The following PCDH15 variants were observed in gnomAD, a reference collection of about 807,000 sequenced individuals.
The protein encoded by PCDH15 is protocadherin related 15.
PCDH15 carries 129 observed loss-of-function variants against 178.5 expected under a neutral mutation model. That is an observed-to-expected ratio of 0.72 (90% CI 0.63 to 0.84). PCDH15 has a LOEUF of 0.84. Among genes scored for constraint, PCDH15 ranks in the 40% least tolerant of loss-of-function variants. The probability of loss-of-function intolerance (pLI) is 0.00; values close to 1 mark genes in which losing one functional copy is unlikely to be tolerated. For synonymous variants in PCDH15, 800 were observed against 732.0 expected (o/e 1.09, Z -1.50); for missense variants, 2,230 against 2,099.9 (o/e 1.06, Z -1.21).
chr10:55,335,138 A>T (rs1240228633), intron 2 of PCDH15, among the ~76,000 whole-genome samples: 1 of 152,222 alleles, frequency 6.6e-6, no homozygotes, highest in African/African-American at 2.4e-5. Context: ...AAGAATAAGG[A>T]CAAAACCCAG....
rs534957668 is a variant in PCDH15, at chr10:54,102,088, T to C, written c.1918-12025A>G. On this transcript the variant is annotated intron_variant, in intron 15 of 37. Transcript: ENST00000644397. ...AAAATATTTATTCAATAAAACCTACTAAATCTCACTAAGAATTGTGAAAAC... is the reference window on the plus strand; with the variant it reads ...AAAATATTTATTCAATAAAACCTACCAAATCTCACTAAGAATTGTGAAAAC... Among the ~76,000 whole-genome samples, 13 of 152,246 alleles carry C rather than the reference T, an allele frequency of 8.5e-5. No homozygotes were observed. The East Asian group carries it at 1.7e-3, about 20-fold the overall frequency.
At chr10:54,891,405 A>G (rs749372525) in intron 3 of PCDH15, among the ~76,000 whole-genome samples, 1 of 152,146 alleles carries the variant, frequency 6.6e-6, no homozygotes, top group Non-Finnish European at 1.5e-5. Context: ...ATTCAGATCT[A>G]GCGATCTCTC....
chr10:54,211,756 G>C (rs987092830), intron 10 of PCDH15, among the ~76,000 whole-genome samples: 1 of 151,984 alleles, frequency 6.6e-6, no homozygotes, highest in South Asian at 2.1e-4. Flanking sequence ...AAAAGAGAGA[G>C]AGAGAGAAGA....
intron 2 of PCDH15, among the ~76,000 whole-genome samples, chr10:55,019,522 G>A (rs1840272050): frequency 6.6e-6 from 1 of 151,846 alleles, no homozygotes; most frequent in Non-Finnish European, 1.5e-5. Flanking sequence ...GTCTAGACCT[G>A]TAACAAACTG....
chr10:54,310,474 A>G (rs1288631263), intron 8 of PCDH15, among the ~76,000 whole-genome samples: 1 of 152,016 alleles, frequency 6.6e-6, no homozygotes, highest in Non-Finnish European at 1.5e-5. Flanking sequence ...TGAGTTTGGA[A>G]CGGAGGTCAT....
chr10:54,423,906 A>C (rs982895503), intron 3 of PCDH15, among the ~76,000 whole-genome samples: 1 of 151,952 alleles, frequency 6.6e-6, no homozygotes, highest in African/African-American at 2.4e-5. Context: ...AAAATCATAA[A>C]AACCCTAGAA....
intron 2 of PCDH15, among the ~76,000 whole-genome samples, chr10:55,465,158 ACT>A (rs1375376340): frequency 6.6e-6 from 1 of 152,068 alleles, no homozygotes; most frequent in Non-Finnish European, 1.5e-5. Context: ...TAGGAAATTG[ACT>A]CACAGGATCA....
rs1180933154 is a variant in PCDH15 at position 54,375,835 on chromosome 10, AATAT to A, written c.318+2943_318+2946del. 2.8e-3 allele frequency among the ~76,000 whole-genome samples: 355 copies of A among 127,590 alleles called. 2 individuals are homozygous for A. Among genetic ancestry groups the A allele is most frequent in the Admixed American group, 7.4e-3 (87 of 11,698 alleles). The allele number at this position is 127,590 out of a possible 152,430, so 83.7% of individuals were successfully genotyped here. The stretch of plus-strand genomic sequence containing the variant: ...AAATAAAAATATATTTTTGAAATGG[AATAT>A]ATATATATAATATATAAATAAAAAT... On this transcript the variant is annotated intron_variant, in intron 4 of 37. Coordinates refer to ENST00000644397, the MANE Select transcript of PCDH15 (RefSeq NM_001384140.1).
At chr10:54,408,044 G>T (rs1266159194) in intron 3 of PCDH15, among the ~76,000 whole-genome samples, 1 of 100,216 alleles carries the variant, frequency 1.0e-5, no homozygotes, top group Non-Finnish European at 2.0e-5. Flanking sequence ...GACAGAATGA[G>T]ACTCTGTCAA....
chr10:55,537,431 G>T (rs1169544416), intron 2 of PCDH15, among the ~76,000 whole-genome samples: 1 of 146,312 alleles, frequency 6.8e-6, no homozygotes, highest in Non-Finnish European at 1.6e-5. Flanking sequence ...ATGTATGTAT[G>T]TATGTATTTA....
intron 2 of PCDH15, among the ~76,000 whole-genome samples, chr10:55,077,421 T>TCCTTCCTTCCTC (rs2132021307): frequency 6.7e-6 from 1 of 149,526 alleles, no homozygotes; most frequent in South Asian, 2.1e-4. Context: ...CTTCCTTCCT[T>TCCTTCCTTCCTC]CCTTCCTTCC....
chr10:54,116,254 A>G (rs1405465254), intron 15 of PCDH15, among the ~76,000 whole-genome samples: 1 of 141,558 alleles, frequency 7.1e-6, no homozygotes, highest in East Asian at 2.2e-4. Flanking sequence ...AAAAAAAAAA[A>G]GCCATTTGAG....
intron 2 of PCDH15, among the ~76,000 whole-genome samples, chr10:55,114,329 A>G (rs1837579489): frequency 6.6e-6 from 1 of 152,184 alleles, no homozygotes; most frequent in Admixed American, 6.5e-5. Context: ...TTCTTTTCAC[A>G]GTATCTTGCT....
chr10:55,606,392 A>G (rs1843217485), intron 2 of PCDH15, among the ~76,000 whole-genome samples: 1 of 150,296 alleles, frequency 6.7e-6, no homozygotes, highest in African/African-American at 2.5e-5. Flanking sequence ...ATTGGAAAAA[A>G]CTACTTTAAA....
chr10:54,746,460 G>A (rs1381412562), intron 1 of PCDH15, among the ~76,000 whole-genome samples: 2 of 152,136 alleles, frequency 1.3e-5, no homozygotes, highest in Non-Finnish European at 2.9e-5. Context: ...ATAACCAAAA[G>A]AGTATAAGTG....
At chr10:54,282,533 A>G (rs1254116236) in intron 8 of PCDH15, among the ~76,000 whole-genome samples, 1 of 152,158 alleles carries the variant, frequency 6.6e-6, no homozygotes, top group East Asian at 1.9e-4. Flanking sequence ...ATTCAAATGT[A>G]TATTTAACAG....
chr10:54,986,018 C>T (rs1839355571), intron 2 of PCDH15, among the ~76,000 whole-genome samples: 2 of 152,096 alleles, frequency 1.3e-5, no homozygotes, highest in African/African-American at 4.8e-5. Flanking sequence ...TTTTAAAATC[C>T]TCTGTGGAAT....
rs1398656291 is a variant in PCDH15, at chr10:54,757,430, G to C, written c.-29+43495C>G. On this transcript the variant is annotated intron_variant, in intron 1 of 37. Coordinates refer to ENST00000644397, the MANE Select transcript of PCDH15 (RefSeq NM_001384140.1). ...CCCGAGTAGCTGGGACTACAGGCGC[G>C]CGCCACCATGCCCGGCTAATTTTTG... is the stretch of plus-strand genomic sequence containing the variant. Among the ~76,000 whole-genome samples, 11 of 88,056 alleles carry C rather than the reference G, an allele frequency of 1.2e-4. 3 individuals are homozygous for C. Among genetic ancestry groups the C allele is most frequent in the Admixed American group, 3.1e-4 (3 of 9,602 alleles). The allele number at this position is 88,056 out of a possible 152,430, so 57.8% of individuals were successfully genotyped here.
chr10:54,019,759 T>C (rs1310589491), intron 20 of PCDH15, among the ~76,000 whole-genome samples: 1 of 152,090 alleles, frequency 6.6e-6, no homozygotes, highest in Non-Finnish European at 1.5e-5. Flanking sequence ...TGGAAGCTTA[T>C]TTCATTCCAG....
Sources: allele counts gnomAD v4.1 joint callset (sites outside exome capture counted in the v4.1 genomes callset), GRCh38; gene constraint gnomAD v4.1.1; transcripts MANE v1.5; gene names NCBI Gene and HGNC (gene_info 2026-07-23, HGNC 2026-07-21).